Variants in ELF5 observed in about 807,000 individuals in gnomAD.
The protein encoded by ELF5 is ETS-related transcription factor Elf-5.
ELF5 carries 31 observed loss-of-function variants against 38.2 expected under a neutral mutation model. That is an observed-to-expected ratio of 0.81 (90% CI 0.61 to 1.10). ELF5 has a LOEUF of 1.10. Ranked by LOEUF, ELF5 falls within the 50% of genes least tolerant of loss-of-function variation. ELF5 has a pLI of 0.00. For missense variants in ELF5, 300 were observed against 306.6 expected (o/e 0.98, Z 0.16); for synonymous variants, 121 against 112.5 (o/e 1.08, Z -0.48).
At chr11:34,486,351 C>T (rs1181762380) in intron 4 of ELF5, among the ~76,000 whole-genome samples, 1 of 152,010 alleles carries the variant, frequency 6.6e-6, no homozygotes, top group Non-Finnish European at 1.5e-5. Context: ...AGAGACCAAG[C>T]AGAAAGGGAA....
intron 1 of ELF5, among the ~76,000 whole-genome samples, chr11:34,508,724 T>C (rs7106007): frequency 0.12 from 17,598 of 152,208 alleles, 1,097 homozygotes; most frequent in East Asian, 0.28. Context: ...TGGAAGATAC[T>C]GAGTTAGTCC....
intron 2 of ELF5, among the ~76,000 whole-genome samples, chr11:34,503,641 A>G (rs557190612): frequency 6.8e-6 from 1 of 147,906 alleles, no homozygotes; most frequent in African/African-American, 2.5e-5. Context: ...TTGTAGATAC[A>G]AGGTCTCACT....
intron 2 of ELF5, among the ~76,000 whole-genome samples, chr11:34,501,328 G>A (rs547459693): frequency 6.6e-6 from 1 of 152,326 alleles, no homozygotes; most frequent in Admixed American, 6.5e-5. Flanking sequence ...AGGAACCTCA[G>A]TTTAGAAACC....
chr11:34,509,436 C>G (rs1013800826), intron 1 of ELF5, among the ~76,000 whole-genome samples: 1 of 152,178 alleles, frequency 6.6e-6, no homozygotes, highest in Non-Finnish European at 1.5e-5. Flanking sequence ...GGGCCATCAC[C>G]CAAGAGTTTC....
In ELF5 at chr11:34,505,738, C is replaced by T. The variant is rs372260707; in HGVS notation, c.12G>A (p.Ser4=). The T allele has an allele frequency of 6.0e-5, 97 of 1,613,548 alleles. No individual in the cohort carries two copies. Among genetic ancestry groups the T allele is most frequent in the Admixed American group, 4.5e-4 (27 of 59,958 alleles). MLD[S]VTHSTFLPNA... is the part of the protein sequence containing the mutation. ...TAGGCAGGAAGGTGCTGTGTGTCAC[C>T]GAGTCCAACATTACCCTGCAACAGC... The change falls in exon 2 of 7, where the codon TCG becomes TCA. Residue 4 remains serine, a synonymous_variant. Coordinates refer to ENST00000257832, the MANE Select transcript of ELF5 (RefSeq NM_001422.4).
intron 4 of ELF5, among the ~76,000 whole-genome samples, chr11:34,485,756 T>C (rs1404381471): frequency 6.6e-6 from 1 of 152,074 alleles, no homozygotes; most frequent in Non-Finnish European, 1.5e-5. Flanking sequence ...GCTTGGCTGG[T>C]GGTGGCAGGG....
intron 4 of ELF5, among the ~76,000 whole-genome samples, chr11:34,488,026 ACTT>A (rs778338050): frequency 1.4e-4 from 21 of 151,772 alleles, no homozygotes; most frequent in East Asian, 1.9e-4. Flanking sequence ...TTCCTGGGTA[ACTT>A]CTTCTCATGC....
At chr11:34,488,789 T>A (rs559243261) in intron 4 of ELF5, among the ~76,000 whole-genome samples, 3 of 152,368 alleles carry the variant, frequency 2.0e-5, no homozygotes, top group Non-Finnish European at 1.5e-5. Flanking sequence ...AGGTCACTAC[T>A]ACTTAGAGAG....
At position 34,493,488 on chromosome 11, in the gene ELF5, GGAT is replaced by G; in HGVS notation, c.343_345del (p.Ile115del). 1 of 1,613,486 alleles carries G rather than the reference GGAT, an allele frequency of 6.2e-7. No individual in the cohort carries two copies. Among genetic ancestry groups the G allele is most frequent in the Non-Finnish European group, 8.5e-7 (1 of 1,179,750 alleles). On this transcript the variant is annotated inframe_deletion, in exon 3 of 7. Transcript: ENST00000257832. ...CCCTCTGAACACTGACCTTGTGTGC[GGAT>G]GTTCTGGAGGATGAAGTACAGGTAC...
At chr11:34,507,545 T>C (rs1347124973) in intron 1 of ELF5, among the ~76,000 whole-genome samples, 1 of 152,216 alleles carries the variant, frequency 6.6e-6, no homozygotes, top group East Asian at 1.9e-4. Flanking sequence ...TGGTTGAGGC[T>C]GGAAGGAAGG....
chr11:34,480,777 G>T lies in ELF5; in HGVS notation c.666C>A (p.Ala222=), dbSNP rs779017287. The change falls in exon 6 of 7, where the codon GCC becomes GCA. Residue 222 remains alanine (A), a synonymous_variant. Coordinates refer to ENST00000257832, the MANE Select transcript of ELF5 (RefSeq NM_001422.4). ...ATTTTATGCTATTAACTTACCTCAG[G>T]GCTCTGCTCAACTTTTCATATGTCA... is the stretch of plus-strand genomic sequence containing the variant. ...DRMTYEKLSR[A]LRYYYKTGIL... The T allele has an allele frequency of 6.2e-7, 1 of 1,613,482 alleles. No homozygotes were observed. The highest frequency in any genetic ancestry group is 1.1e-5 in the South Asian group (1 of 91,032).
rs570144194 is a variant in ELF5 at position 34,482,467 on chromosome 11, T to C, written c.439A>G (p.Ile147Val). The stretch of plus-strand genomic sequence containing the variant: ...TGACTGTGACAGTCTTGACTTTTGA[T>C]GCCACTTGTTTTCAAGCAGTTGGAA... Reference protein sequence around the residue: ...ADSNCLKTSGIKSQDCHSHSR... With the variant: ...ADSNCLKTSGVKSQDCHSHSR... The change falls in exon 5 of 7, where the codon ATC becomes GTC. Residue 147 changes from isoleucine (I) to valine (V), a missense_variant. Transcript: ENST00000257832. 5.6e-6 allele frequency: 9 copies of C among 1,613,252 alleles called. No individual in the cohort carries two copies. In the South Asian group the frequency reaches 8.8e-5, roughly 16 times the overall value.
intron 2 of ELF5, 133 bp downstream of exon 2, chr11:34,505,496 C>T (rs1850588620): frequency 7.4e-7 from 1 of 1,342,458 alleles, no homozygotes; most frequent in Non-Finnish European, 1.0e-6. Context: ...ATCCAGGAGC[C>T]CTCCAGCCCT....
intron 2 of ELF5, among the ~76,000 whole-genome samples, chr11:34,495,284 TCACATGTTATACCC>T (rs1850288914): frequency 6.6e-6 from 1 of 152,170 alleles, no homozygotes; most frequent in Non-Finnish European, 1.5e-5. Context: ...AAAGGGTCCC[TCACATGTTATACCC>T]CACAGCAAAT....
intron 3 of ELF5, 141 bp from the exon 4 acceptor site, chr11:34,490,200 C>T (rs1211213230): frequency 2.3e-6 from 2 of 881,366 alleles, no homozygotes; most frequent in East Asian, 2.5e-5. Flanking sequence ...CCTTGGAGAC[C>T]ATCTGGTCTT....
chr11:34,505,884 G>C, intron 1 of ELF5, 131 bp from the exon 2 acceptor site: 1 of 1,108,652 alleles, frequency 9.0e-7, no homozygotes, highest in Middle Eastern at 3.0e-4. Context: ...CTAGGAGCAG[G>C]CACCGCCTAG....
At chr11:34,501,875 C>T (rs1850479850) in intron 2 of ELF5, among the ~76,000 whole-genome samples, 1 of 152,194 alleles carries the variant, frequency 6.6e-6, no homozygotes, top group African/African-American at 2.4e-5. Flanking sequence ...CCACCCTTCC[C>T]TCTCCTAGAC....
At position 34,480,943 on chromosome 11, in the gene ELF5, T is replaced by TC. The variant is rs1469040988; in HGVS notation, c.499dup (p.Glu167GlyfsTer11). 1.2e-6 allele frequency: 2 copies of TC among 1,613,312 alleles called. No homozygotes were observed. The highest frequency in any genetic ancestry group is 1.7e-6 in the Non-Finnish European group (2 of 1,179,788). On this transcript the variant is annotated frameshift_variant, in exon 6 of 7. Transcript: ENST00000257832. LOFTEE classifies it high-confidence loss of function. ...AGATAGAAGCAGGTCTCGTACAAATTCCCATAGATGAGAACTTTGGAGGCC... is the reference window on the plus strand; with the variant it reads ...AGATAGAAGCAGGTCTCGTACAAATTCCCCATAGATGAGAACTTTGGAGGCC...
intron 5 of ELF5, 87 bp from the exon 6 acceptor site, chr11:34,481,054 G>GA: frequency 3.7e-6 from 4 of 1,086,160 alleles, no homozygotes; most frequent in Non-Finnish European, 4.9e-6. Context: ...ACAGAGTCTT[G>GA]CTCTGTCGCC....
Sources: allele counts gnomAD v4.1 joint callset (sites outside exome capture counted in the v4.1 genomes callset), GRCh38; gene constraint gnomAD v4.1.1; transcripts MANE v1.5; gene names NCBI Gene and HGNC (gene_info 2026-07-23, HGNC 2026-07-21).